The following ADISSP variants were observed in gnomAD, a reference collection of about 807,000 sequenced individuals.
The protein encoded by ADISSP is adipose-secreted signaling protein.
At chr20:3,761,449 C>A in the ADISSP span, among the ~76,000 whole-genome samples, 1 of 152,080 alleles carries the variant, frequency 6.6e-6, no homozygotes, top group Non-Finnish European at 1.5e-5. Flanking sequence ...GACTCTCCCA[C>A]CTCAGCATCC....
chr20:3,767,811 A>C, the ADISSP span: 1 of 152,074 alleles, frequency 6.6e-6, no homozygotes, highest in Non-Finnish European at 1.5e-5. Context: ...CCATTGGTTG[A>C]TCTGGGAGGG....
At chr20:3,756,345 G>A in the ADISSP span, among the ~76,000 whole-genome samples, 2 of 152,212 alleles carry the variant, frequency 1.3e-5, no homozygotes, top group African/African-American at 2.4e-5. Context: ...AGTGCTTGGT[G>A]ACAACCACCC....
chr20:3,757,467 C>A, the ADISSP span, among the ~76,000 whole-genome samples: 1 of 152,168 alleles, frequency 6.6e-6, no homozygotes, highest in Admixed American at 6.5e-5. Context: ...CAAATTTTCT[C>A]ATGTCTATTA....
chr20:3,759,729 T>G, the ADISSP span, among the ~76,000 whole-genome samples: 4 of 152,022 alleles, frequency 2.6e-5, no homozygotes, highest in Non-Finnish European at 5.9e-5. This position sits in a 1 kb window ranked among gnomAD's most constrained non-coding sequence, Gnocchi z 4.6. Context: ...CCAAACTCCC[T>G]TCCACAGCCT....
the ADISSP span, among the ~76,000 whole-genome samples, chr20:3,756,146 T>C: frequency 5.9e-5 from 9 of 152,184 alleles, no homozygotes; most frequent in African/African-American, 2.2e-4. Context: ...AGGGATGGGA[T>C]CAAATTAGAG....
At chr20:3,754,687 A>G in the ADISSP span, among the ~76,000 whole-genome samples, 26 of 152,204 alleles carry the variant, frequency 1.7e-4, no homozygotes, top group Admixed American at 3.9e-4. Context: ...TCCCCCTAGC[A>G]GGGGTGCACA....
chr20:3,757,838 G>C, the ADISSP span, among the ~76,000 whole-genome samples: 1 of 151,940 alleles, frequency 6.6e-6, no homozygotes, highest in Non-Finnish European at 1.5e-5. Context: ...CCATTGGCCA[G>C]GCTAAACCTG....
the ADISSP span, chr20:3,755,407 A>C: frequency 6.5e-7 from 1 of 1,527,856 alleles, no homozygotes; most frequent in South Asian, 1.1e-5. Context: ...GTTGGAAGTA[A>C]GGGAGCACCC....
the ADISSP span, chr20:3,755,280 G>A: frequency 1.7e-6 from 1 of 590,564 alleles, no homozygotes; most frequent in African/African-American, 1.9e-5. Context: ...ATGAGCTCAT[G>A]GACTTCTGTT....
chr20:3,760,009 G>C, the ADISSP span: 2 of 1,609,152 alleles, frequency 1.2e-6, no homozygotes, highest in Non-Finnish European at 1.7e-6. Context: ...GGCCCTACCT[G>C]CAGCAATGGC....
the ADISSP span, among the ~76,000 whole-genome samples, chr20:3,763,854 C>G: frequency 6.6e-6 from 1 of 152,164 alleles, no homozygotes; most frequent in African/African-American, 2.4e-5. Context: ...TCACCTCGCT[C>G]CCCACTTCTC....
the ADISSP span, among the ~76,000 whole-genome samples, chr20:3,763,821 C>A: frequency 0.035 from 5,327 of 152,286 alleles, 333 homozygotes; most frequent in African/African-American, 0.12. Context: ...TGGTGCCAAG[C>A]TGCTCTGGGA....
At chr20:3,767,751 G>A in the ADISSP span, 3 of 152,368 alleles carry the variant, frequency 2.0e-5, no homozygotes, top group African/African-American at 4.8e-5. Flanking sequence ...GCACGAGGAA[G>A]GGAGCCCCGC....
chr20:3,753,826 T>C, the ADISSP span: 1 of 576,262 alleles, frequency 1.7e-6, no homozygotes, highest in Non-Finnish European at 3.1e-6. Flanking sequence ...GCTCAACCCA[T>C]TTCTTCCGGC....
the ADISSP span, chr20:3,753,813 C>T: frequency 4.2e-5 from 24 of 568,570 alleles, no homozygotes; most frequent in Non-Finnish European, 5.7e-5. Context: ...AGCCTCCTTT[C>T]GGGCTCAACC....
the ADISSP span, among the ~76,000 whole-genome samples, chr20:3,766,608 T>G: frequency 0.011 from 1,625 of 152,252 alleles, 32 homozygotes; most frequent in African/African-American, 0.037. Flanking sequence ...GGCCCTGCCC[T>G]GGGCCTGTGA....
the ADISSP span, among the ~76,000 whole-genome samples, chr20:3,765,420 G>A: frequency 1.3e-5 from 2 of 152,192 alleles, no homozygotes; most frequent in Non-Finnish European, 2.9e-5. Flanking sequence ...AGCTGCATGG[G>A]TGAGTTCTTT....
the ADISSP span, among the ~76,000 whole-genome samples, chr20:3,756,251 G>C: frequency 1.3e-5 from 2 of 152,256 alleles, no homozygotes; most frequent in Non-Finnish European, 2.9e-5. Context: ...GCTGGCACTG[G>C]ACTGGGGATG....
chr20:3,765,887 G>A, the ADISSP span, among the ~76,000 whole-genome samples: 6 of 152,088 alleles, frequency 3.9e-5, no homozygotes, highest in African/African-American at 1.2e-4. Flanking sequence ...GTGCCTCCCC[G>A]CCAGCAAAAA....
Sources: gnomAD v4.1 joint callset for allele counts (sites outside exome capture counted in the v4.1 genomes callset) on GRCh38, gnomAD v4.1.1 for gene constraint, Gnocchi (gnomAD v3.1) non-coding constraint, MANE v1.5 for transcripts, NCBI Gene and HGNC (gene_info 2026-07-23, HGNC 2026-07-21) for gene names.